Variants in ZNF431 observed in about 807,000 individuals in gnomAD.
ZNF431 encodes the protein zinc finger protein 431.
A neutral mutation model predicts 57.0 loss-of-function variants in ZNF431; 34 were observed. The ratio of observed to expected loss-of-function variants is 0.60; its 90% confidence interval spans 0.45 to 0.79. The LOEUF (loss-of-function observed/expected upper bound fraction) is 0.79. Ranked by LOEUF, ZNF431 falls within the 30% of genes least tolerant of loss-of-function variation. The pLI is 0.00. For missense variants in ZNF431, 607 were observed against 667.1 expected, an observed-to-expected ratio of 0.91 and a Z score of 0.99; for synonymous variants, 207 against 220.3, an observed-to-expected ratio of 0.94 and a Z score of 0.54.
rs149139620 is a variant in ZNF431, at chr19:21,180,127, A to T, written c.320-2496A>T. ...GTCCCAAACTGTGTCATGACTCTTTATCCAGCTTGCCCTTCTGTGTCTTTC... is the reference window on the plus strand; with the variant it reads ...GTCCCAAACTGTGTCATGACTCTTTTTCCAGCTTGCCCTTCTGTGTCTTTC... On this transcript the variant is annotated intron_variant, in intron 4 of 4. Coordinates refer to ENST00000311048, the MANE Select transcript of ZNF431 (RefSeq NM_133473.4). Among the ~76,000 whole-genome samples the T allele has an allele frequency of 3.9e-5, 6 of 152,186 alleles. No homozygotes were observed. The East Asian group carries it at 1.2e-3, about 29-fold the overall frequency.
intron 2 of ZNF431, among the ~76,000 whole-genome samples, chr19:21,155,053 T>C (rs1970381494): frequency 2.0e-5 from 3 of 152,236 alleles, no homozygotes; most frequent in Admixed American, 1.3e-4. Context: ...TTTTGGCTTT[T>C]GTTGCCGTTG....
chr19:21,176,133 T>C (rs1014786947), intron 4 of ZNF431, among the ~76,000 whole-genome samples: 8 of 152,210 alleles, frequency 5.3e-5, no homozygotes, highest in African/African-American at 1.7e-4. Context: ...TGGGGTGAGA[T>C]GGTACCTCAT....
chr19:21,193,127 A>G lies in ZNF431; in HGVS notation c.*9093A>G, dbSNP rs1407535961. The G allele has an allele frequency of 6.6e-6, 1 of 152,230 alleles. No individual in the cohort carries two copies. The highest frequency in any genetic ancestry group is 1.9e-4 in the East Asian group (1 of 5,196). 9.4% of individuals were successfully genotyped at this position (152,230 alleles called of 1,614,324 possible). ...GGAGCCCTGGATTATATAAAATCAC[A>G]GCCGAATTTTAACACATATACAGAG... On this transcript the variant is annotated 3_prime_UTR_variant, in exon 5 of 5. Coordinates refer to ENST00000311048, the MANE Select transcript of ZNF431 (RefSeq NM_133473.4).
At chr19:21,147,500 G>GA (rs1053390637) in intron 2 of ZNF431, among the ~76,000 whole-genome samples, 32 of 133,236 alleles carry the variant, frequency 2.4e-4, no homozygotes, top group African/African-American at 5.3e-4. Flanking sequence ...CATCTCAAAA[G>GA]AAAAAAAAAA....
Position 21,189,748 on chromosome 19 carries a change from T to A in ZNF431, c.*5714T>A. The A allele has an allele frequency of 2.5e-6, 1 of 393,808 alleles. No homozygotes were observed. The highest frequency in any genetic ancestry group is 6.4e-4 in the Middle Eastern group (1 of 1,566). 24.4% of individuals were successfully genotyped at this position (393,808 alleles called of 1,614,324 possible). A position where few individuals can be genotyped will look rare whatever the true frequency, so the allele number is the denominator to read the frequency against. Reference sequence around the variant, plus strand: ...ATGGGATTAAGTTTTTTGGAATCCATGTGTAAGTGAAATTATGAGACACTA... The same window carrying A: ...ATGGGATTAAGTTTTTTGGAATCCAAGTGTAAGTGAAATTATGAGACACTA... On this transcript the variant is annotated 3_prime_UTR_variant, in exon 5 of 5. Transcript: ENST00000311048.
At chr19:21,171,907 A>T (rs188835301) in intron 4 of ZNF431, among the ~76,000 whole-genome samples, 1 of 150,628 alleles carries the variant, frequency 6.6e-6, no homozygotes, top group African/African-American at 2.4e-5. Flanking sequence ...TTTTTAGTAG[A>T]GATGGGATTT....
chr19:21,166,490 A>G (rs1305311798), intron 3 of ZNF431, 29 bp downstream of exon 3: 1 of 1,578,856 alleles, frequency 6.3e-7, no homozygotes, highest in Non-Finnish European at 8.6e-7. Context: ...CACAATTCTT[A>G]ATATGCCCTA....
chr19:21,164,285 G>A (rs1029705872), intron 2 of ZNF431, among the ~76,000 whole-genome samples: 1 of 152,032 alleles, frequency 6.6e-6, no homozygotes, highest in African/African-American at 2.4e-5. Flanking sequence ...CACAGGGCCC[G>A]TTCAGTTTGG....
At chr19:21,170,145 C>G (rs548222129) in intron 4 of ZNF431, among the ~76,000 whole-genome samples, 2 of 152,320 alleles carry the variant, frequency 1.3e-5, no homozygotes, top group African/African-American at 4.8e-5. Flanking sequence ...TCACAACTCC[C>G]TCCCTGCATC....
chr19:21,144,483 C>T (rs1336800684), intron 2 of ZNF431, among the ~76,000 whole-genome samples: 2 of 152,146 alleles, frequency 1.3e-5, no homozygotes, highest in East Asian at 1.9e-4. Flanking sequence ...GGATTGCAGG[C>T]ATGAGCCACT....
At position 21,144,444 on chromosome 19, in the gene ZNF431, T is replaced by C. The variant is rs572280167; in HGVS notation, c.96+801T>C. Reference sequence around the variant, plus strand: ...GTCTCGAACTCCTGACCTCAGATGATCTGCCTGCCTCAGCCTCCTAAAGTG... The same window carrying C: ...GTCTCGAACTCCTGACCTCAGATGACCTGCCTGCCTCAGCCTCCTAAAGTG... On this transcript the variant is annotated intron_variant, in intron 2 of 4. Coordinates refer to ENST00000311048, the MANE Select transcript of ZNF431 (RefSeq NM_133473.4). 2.0e-5 allele frequency among the ~76,000 whole-genome samples: 3 copies of C among 152,248 alleles called. No homozygotes were observed. The East Asian group carries it at 5.8e-4, about 29-fold the overall frequency.
intron 4 of ZNF431, among the ~76,000 whole-genome samples, chr19:21,169,364 A>T (rs1303902627): frequency 6.6e-6 from 1 of 152,180 alleles, no homozygotes; most frequent in Non-Finnish European, 1.5e-5. Flanking sequence ...TTTCAGTGCT[A>T]CCTTAAAATA....
chr19:21,172,121 A>G (rs1445470378), intron 4 of ZNF431, among the ~76,000 whole-genome samples: 1 of 72,754 alleles, frequency 1.4e-5, no homozygotes, highest in African/African-American at 6.0e-5. Context: ...TCCTTTAGAA[A>G]AATTAATTGT....
Position 21,190,671 on chromosome 19 carries a change from T to TC in ZNF431, c.*6637_*6638insC, listed in dbSNP as rs1293977902. 2 of 151,498 alleles carry TC rather than the reference T, an allele frequency of 1.3e-5. No individual in the cohort carries two copies. Among genetic ancestry groups the TC allele is most frequent in the Non-Finnish European group, 2.9e-5 (2 of 67,892 alleles). The allele number at this position is 151,498 out of a possible 1,614,324, so 9.4% of individuals were successfully genotyped here. Reference sequence around the variant, plus strand: ...TTTCAGCTATTTCCTTTTTTTTTTTTTTCTTTTTGAGATGGAGTTTTGTTC... The same window carrying TC: ...TTTCAGCTATTTCCTTTTTTTTTTTTCTTCTTTTTGAGATGGAGTTTTGTTC... On this transcript the variant is annotated 3_prime_UTR_variant, in exon 5 of 5. Coordinates refer to ENST00000311048, the MANE Select transcript of ZNF431 (RefSeq NM_133473.4).
In ZNF431 at chr19:21,183,180, T is replaced by C; in HGVS notation, c.877T>C (p.Cys293Arg). 8 of 1,613,992 alleles carry C rather than the reference T, an allele frequency of 5.0e-6. No individual in the cohort carries two copies. Among genetic ancestry groups the C allele is most frequent in the Non-Finnish European group, 6.8e-6 (8 of 1,179,946 alleles). Residue 293 changes from cysteine to arginine, a missense_variant, in exon 5 of 5, where the codon TGT (cysteine) becomes CGT (arginine). Physicochemically the swap from Cys to Arg is radical, Grantham distance 180. Transcript: ENST00000311048. ...TGEKPYRCEE[C>R]GKAFNRSSHL... ...GGAGAAACCATATAGATGTGAAGAA[T>C]GTGGCAAAGCCTTCAACCGGTCCTC...
At chr19:21,182,405 T>C (rs1404791055) in intron 4 of ZNF431, among the ~76,000 whole-genome samples, 1 of 152,212 alleles carries the variant, frequency 6.6e-6, no homozygotes, top group Non-Finnish European at 1.5e-5. Context: ...ACCTGTGTGC[T>C]CACCTGGGGA....
intron 1 of ZNF431, 24 bp from the exon 2 acceptor site, chr19:21,143,527 C>T: frequency 6.3e-7 from 1 of 1,583,216 alleles, no homozygotes; most frequent in Non-Finnish European, 8.7e-7. Context: ...TGAATATCAG[C>T]TTCTGGTTTA....
chr19:21,176,943 C>T (rs916917536), intron 4 of ZNF431, among the ~76,000 whole-genome samples: 1 of 152,038 alleles, frequency 6.6e-6, no homozygotes, highest in Non-Finnish European at 1.5e-5. Flanking sequence ...CCTCATCTAC[C>T]CCCTTTGGCC....
chr19:21,161,146 G>A (rs1025794894), intron 2 of ZNF431, among the ~76,000 whole-genome samples: 2 of 148,292 alleles, frequency 1.3e-5, no homozygotes, highest in African/African-American at 5.0e-5. Flanking sequence ...CCAGCCTGGT[G>A]ACAGAGCAAA....
Sources: allele counts gnomAD v4.1 joint callset (sites outside exome capture counted in the v4.1 genomes callset), GRCh38; gene constraint gnomAD v4.1.1; transcripts MANE v1.5; gene names NCBI Gene and HGNC (gene_info 2026-07-23, HGNC 2026-07-21).